The following NLRP2B variants were observed in gnomAD, a reference collection of about 807,000 sequenced individuals.
The protein encoded by NLRP2B is NLR family pyrin domain-containing protein 2B.
For synonymous variants in NLRP2B, 16 were observed against 3.5 expected (o/e 4.63, Z -4.03); for missense variants, 25 against 6.8 (o/e 3.70, Z -3.00).
rs1010129190 is a variant in NLRP2B at position 57,679,183 on chromosome X, C to A, written c.*940G>T. ...AGGAAATATGCCCTCCTGTCCTTCTCCAGGAACTCCTCCACCCTTACATAG... is the reference window on the plus strand; with the variant it reads ...AGGAAATATGCCCTCCTGTCCTTCTACAGGAACTCCTCCACCCTTACATAG... On this transcript the variant is annotated 3_prime_UTR_variant, in exon 1 of 1. Coordinates refer to ENST00000434992, the MANE Select transcript of NLRP2B (RefSeq NM_001319967.1). The A allele has an allele frequency of 2.8e-5, 13 of 466,917 alleles. No individual in the cohort carries two copies. Among genetic ancestry groups the A allele is most frequent in the Non-Finnish European group, 4.8e-5 (12 of 251,782 alleles). The allele number at this position is 466,917 out of a possible 1,213,427, so 38.5% of individuals were successfully genotyped here.
Position 57,678,335 on chromosome X carries a change from A to G in NLRP2B, c.*1788T>C, listed in dbSNP as rs1569419878. On this transcript the variant is annotated 3_prime_UTR_variant, in exon 1 of 1. Coordinates refer to ENST00000434992, the MANE Select transcript of NLRP2B (RefSeq NM_001319967.1). Reference sequence around the variant, plus strand: ...TGCAAGTTTCGACAATGCTTGAGGCAGATTGAAAACAGCATAATGTCTACT... The same window carrying G: ...TGCAAGTTTCGACAATGCTTGAGGCGGATTGAAAACAGCATAATGTCTACT... The G allele has an allele frequency of 3.7e-6, 2 of 538,573 alleles. No homozygotes were observed. The highest frequency in any genetic ancestry group is 3.4e-5 in the East Asian group (1 of 29,544). The allele number at this position is 538,573 out of a possible 1,213,427, so 44.4% of individuals were successfully genotyped here.
At position 57,679,768 on chromosome X, in the gene NLRP2B, G is replaced by C; in HGVS notation, c.*355C>G. ...GGTTTTCCACATTTGCCAGAACTTC[G>C]TCTTCAATATACTCCTGTACCTATC... On this transcript the variant is annotated 3_prime_UTR_variant, in exon 1 of 1. Transcript: ENST00000434992. The C allele has an allele frequency of 2.7e-6, 1 of 367,604 alleles. No homozygotes were observed. The highest frequency in any genetic ancestry group is 6.6e-5 in the South Asian group (1 of 15,046). 30.3% of individuals were successfully genotyped at this position (367,604 alleles called of 1,213,427 possible).
Position 57,678,334 on chromosome X carries a change from C to T in NLRP2B, c.*1789G>A. 1 of 538,214 alleles carries T rather than the reference C, an allele frequency of 1.9e-6. No individual in the cohort carries two copies. Among genetic ancestry groups the T allele is most frequent in the Non-Finnish European group, 3.4e-6 (1 of 291,216 alleles). The allele number at this position is 538,214 out of a possible 1,213,427, so 44.4% of individuals were successfully genotyped here. On this transcript the variant is annotated 3_prime_UTR_variant, in exon 1 of 1. Coordinates refer to ENST00000434992, the MANE Select transcript of NLRP2B (RefSeq NM_001319967.1). ...CTGCAAGTTTCGACAATGCTTGAGGCAGATTGAAAACAGCATAATGTCTAC... is the reference window on the plus strand; with the variant it reads ...CTGCAAGTTTCGACAATGCTTGAGGTAGATTGAAAACAGCATAATGTCTAC...
Position 57,679,774 on chromosome X carries a change from A to G in NLRP2B, c.*349T>C. On this transcript the variant is annotated 3_prime_UTR_variant, in exon 1 of 1. Coordinates refer to ENST00000434992, the MANE Select transcript of NLRP2B (RefSeq NM_001319967.1). ...CCACATTTGCCAGAACTTCGTCTTC[A>G]ATATACTCCTGTACCTATCCTCTTT... 1 of 363,494 alleles carries G rather than the reference A, an allele frequency of 2.8e-6. No homozygotes were observed. 30.0% of individuals were successfully genotyped at this position (363,494 alleles called of 1,213,427 possible).
In NLRP2B at chrX:57,679,499, A is replaced by G. The variant is rs1017303331; in HGVS notation, c.*624T>C. On this transcript the variant is annotated 3_prime_UTR_variant, in exon 1 of 1. Coordinates refer to ENST00000434992, the MANE Select transcript of NLRP2B (RefSeq NM_001319967.1). ...CTGAAGACCAGCTCTGCAAAACTGC[A>G]CGGGCCCAGGCAGATGAGCTCCTTG... The G allele has an allele frequency of 5.9e-6, 5 of 853,218 alleles. No homozygotes were observed. The highest frequency in any genetic ancestry group is 6.9e-6 in the Non-Finnish European group (4 of 575,589). 70.3% of individuals were successfully genotyped at this position (853,218 alleles called of 1,213,427 possible).
chrX:57,678,688 T>A lies in NLRP2B; in HGVS notation c.*1435A>T. The A allele has an allele frequency of 2.4e-6, 1 of 411,218 alleles. No individual in the cohort carries two copies. The highest frequency in any genetic ancestry group is 4.5e-6 in the Non-Finnish European group (1 of 222,805). The allele number at this position is 411,218 out of a possible 1,213,427, so 33.9% of individuals were successfully genotyped here. On this transcript the variant is annotated 3_prime_UTR_variant, in exon 1 of 1. Coordinates refer to ENST00000434992, the MANE Select transcript of NLRP2B (RefSeq NM_001319967.1). The stretch of plus-strand genomic sequence containing the variant: ...GTCTCCATTGTCCCAGGCGTGGCCG[T>A]CCTTGTCCTCCTCCTCCTCCTCCTC...
At position 57,677,867 on chromosome X, in the gene NLRP2B, G is replaced by T. The variant is rs778596487; in HGVS notation, c.*2256C>A. 2.4e-6 allele frequency: 1 copy of T among 425,342 alleles called. No homozygotes were observed. The highest frequency in any genetic ancestry group is 2.8e-5 in the Admixed American group (1 of 35,415). 35.1% of individuals were successfully genotyped at this position (425,342 alleles called of 1,213,427 possible). On this transcript the variant is annotated 3_prime_UTR_variant, in exon 1 of 1. Transcript: ENST00000434992. ...AGGGCCAAGGAGAGATCAGCCCATTGCTAAGTGGTGGTGGAAAAAGACACC... is the reference window on the plus strand; with the variant it reads ...AGGGCCAAGGAGAGATCAGCCCATTTCTAAGTGGTGGTGGAAAAAGACACC...
Position 57,678,541 on chromosome X carries a change from C to T in NLRP2B, c.*1582G>A. The T allele has an allele frequency of 2.0e-6, 1 of 509,975 alleles. No homozygotes were observed. 42.0% of individuals were successfully genotyped at this position (509,975 alleles called of 1,213,427 possible). A position where few individuals can be genotyped will look rare whatever the true frequency, so the allele number is the denominator to read the frequency against. On this transcript the variant is annotated 3_prime_UTR_variant, in exon 1 of 1. Transcript: ENST00000434992. ...CTTTTTGATCTCCGGTGACATCAGGCAGCCCAAAGTGGTCTCCAACTCCTT... is the reference window on the plus strand; with the variant it reads ...CTTTTTGATCTCCGGTGACATCAGGTAGCCCAAAGTGGTCTCCAACTCCTT...
Position 57,677,963 on chromosome X carries a change from G to C in NLRP2B, c.*2160C>G. 1.0e-5 allele frequency: 5 copies of C among 477,428 alleles called. No homozygotes were observed. The highest frequency in any genetic ancestry group is 8.8e-5 in the South Asian group (3 of 34,072). 39.3% of individuals were successfully genotyped at this position (477,428 alleles called of 1,213,427 possible). Reference sequence around the variant, plus strand: ...CACAATGCAGGAAGCATATCATTCTGGTCATTGCCTTGAAGGGTCAGATAT... The same window carrying C: ...CACAATGCAGGAAGCATATCATTCTCGTCATTGCCTTGAAGGGTCAGATAT... On this transcript the variant is annotated 3_prime_UTR_variant, in exon 1 of 1. Coordinates refer to ENST00000434992, the MANE Select transcript of NLRP2B (RefSeq NM_001319967.1).
chrX:57,677,556 G>T lies in NLRP2B; in HGVS notation c.*2567C>A. 1 of 309,431 alleles carries T rather than the reference G, an allele frequency of 3.2e-6. No individual in the cohort carries two copies. The highest frequency in any genetic ancestry group is 6.2e-6 in the Non-Finnish European group (1 of 161,728). The allele number at this position is 309,431 out of a possible 1,213,427, so 25.5% of individuals were successfully genotyped here. A position where few individuals can be genotyped will look rare whatever the true frequency, so the allele number is the denominator to read the frequency against. ...TTATGTCGCAGTCCCACAGCACCAG[G>T]GTCTGTAGTTTACAATGGGGGTAAC... On this transcript the variant is annotated 3_prime_UTR_variant, in exon 1 of 1. Coordinates refer to ENST00000434992, the MANE Select transcript of NLRP2B (RefSeq NM_001319967.1).
Position 57,679,484 on chromosome X carries a change from G to C in NLRP2B, c.*639C>G, listed in dbSNP as rs945893446. On this transcript the variant is annotated 3_prime_UTR_variant, in exon 1 of 1. Coordinates refer to ENST00000434992, the MANE Select transcript of NLRP2B (RefSeq NM_001319967.1). Reference sequence around the variant, plus strand: ...AATTCAGGCCAGTTCCTGAAGACCAGCTCTGCAAAACTGCACGGGCCCAGG... The same window carrying C: ...AATTCAGGCCAGTTCCTGAAGACCACCTCTGCAAAACTGCACGGGCCCAGG... 3.2e-5 allele frequency: 31 copies of C among 957,072 alleles called. No homozygotes were observed. The highest frequency in any genetic ancestry group is 4.5e-5 in the Non-Finnish European group (30 of 668,445). 78.9% of individuals were successfully genotyped at this position (957,072 alleles called of 1,213,427 possible).
Position 57,678,930 on chromosome X carries a change from C to T in NLRP2B, c.*1193G>A, listed in dbSNP as rs944487785. ...CCTGTGCCGCCAGGAGGCTCAGCGCCCGCAGCACGCCCCAGAGCTGTGCGC... is the reference window on the plus strand; with the variant it reads ...CCTGTGCCGCCAGGAGGCTCAGCGCTCGCAGCACGCCCCAGAGCTGTGCGC... On this transcript the variant is annotated 3_prime_UTR_variant, in exon 1 of 1. Transcript: ENST00000434992. The T allele has an allele frequency of 1.2e-5, 5 of 419,006 alleles. No individual in the cohort carries two copies. In the African/African-American group the frequency reaches 1.3e-4, roughly 11 times the overall value. The allele number at this position is 419,006 out of a possible 1,213,427, so 34.5% of individuals were successfully genotyped here. A position where few individuals can be genotyped will look rare whatever the true frequency, so the allele number is the denominator to read the frequency against.
In NLRP2B at chrX:57,679,966, A is replaced by T. The variant is rs1009551604; in HGVS notation, c.*157T>A. The T allele has an allele frequency of 2.0e-5, 6 of 305,015 alleles. No individual in the cohort carries two copies. The highest frequency in any genetic ancestry group is 1.2e-4 in the Admixed American group (2 of 16,887). 25.1% of individuals were successfully genotyped at this position (305,015 alleles called of 1,213,427 possible). ...TGTTTTCCCTAATGATACAGGCTTG[A>T]TTTCAAAGTGTCTTCTCTGAGTTCA... On this transcript the variant is annotated 3_prime_UTR_variant, in exon 1 of 1. Transcript: ENST00000434992.
chrX:57,679,326 C>G lies in NLRP2B; in HGVS notation c.*797G>C, dbSNP rs995225120. 3.6e-6 allele frequency: 2 copies of G among 553,569 alleles called. No homozygotes were observed. The highest frequency in any genetic ancestry group is 2.3e-5 in the African/African-American group (1 of 43,864). 45.6% of individuals were successfully genotyped at this position (553,569 alleles called of 1,213,427 possible). A position where few individuals can be genotyped will look rare whatever the true frequency, so the allele number is the denominator to read the frequency against. ...GTAACCTCCCCAAGAAGACCGGCACCGGCTTCTGCTTCTCCCAGTCCCCAC... is the reference window on the plus strand; with the variant it reads ...GTAACCTCCCCAAGAAGACCGGCACGGGCTTCTGCTTCTCCCAGTCCCCAC... On this transcript the variant is annotated 3_prime_UTR_variant, in exon 1 of 1. Coordinates refer to ENST00000434992, the MANE Select transcript of NLRP2B (RefSeq NM_001319967.1).
chrX:57,679,789 C>A lies in NLRP2B; in HGVS notation c.*334G>T, dbSNP rs2011754521. ...CTTCGTCTTCAATATACTCCTGTAC[C>A]TATCCTCTTTACCTGGCTTTTCTCC... On this transcript the variant is annotated 3_prime_UTR_variant, in exon 1 of 1. Transcript: ENST00000434992. The A allele has an allele frequency of 6.3e-6, 2 of 315,433 alleles. No homozygotes were observed. Among genetic ancestry groups the A allele is most frequent in the Non-Finnish European group, 1.1e-5 (2 of 180,381 alleles). The allele number at this position is 315,433 out of a possible 1,213,427, so 26.0% of individuals were successfully genotyped here. A position where few individuals can be genotyped will look rare whatever the true frequency, so the allele number is the denominator to read the frequency against.
In NLRP2B at chrX:57,678,815, C is replaced by A; in HGVS notation, c.*1308G>T. On this transcript the variant is annotated 3_prime_UTR_variant, in exon 1 of 1. Coordinates refer to ENST00000434992, the MANE Select transcript of NLRP2B (RefSeq NM_001319967.1). Reference sequence around the variant, plus strand: ...GAGACTATGTCCTGGCGGAGGATGTCTCTGTCCAGGGACGGGCGGATGTTG... The same window carrying A: ...GAGACTATGTCCTGGCGGAGGATGTATCTGTCCAGGGACGGGCGGATGTTG... 2.6e-6 allele frequency: 1 copy of A among 379,697 alleles called. No individual in the cohort carries two copies. The highest frequency in any genetic ancestry group is 2.5e-5 in the African/African-American group (1 of 39,242). 31.3% of individuals were successfully genotyped at this position (379,697 alleles called of 1,213,427 possible). A position where few individuals can be genotyped will look rare whatever the true frequency, so the allele number is the denominator to read the frequency against.
chrX:57,677,613 A>G lies in NLRP2B; in HGVS notation c.*2510T>C, dbSNP rs2011717738. On this transcript the variant is annotated 3_prime_UTR_variant, in exon 1 of 1. Coordinates refer to ENST00000434992, the MANE Select transcript of NLRP2B (RefSeq NM_001319967.1). ...CCTTACACAGAAACATCACCCATGT[A>G]TCCCCGAGTGGGGGGTTCTTGGCCA... is the stretch of plus-strand genomic sequence containing the variant. 26 of 304,510 alleles carry G rather than the reference A, an allele frequency of 8.5e-5. No individual in the cohort carries two copies. In the South Asian group the frequency reaches 9.3e-4, roughly 11 times the overall value. 25.1% of individuals were successfully genotyped at this position (304,510 alleles called of 1,213,427 possible).
In NLRP2B at chrX:57,679,099, C is replaced by T; in HGVS notation, c.*1024G>A. 4 of 446,993 alleles carry T rather than the reference C, an allele frequency of 8.9e-6. No homozygotes were observed. Among genetic ancestry groups the T allele is most frequent in the Admixed American group, 2.7e-5 (1 of 36,885 alleles). The allele number at this position is 446,993 out of a possible 1,213,427, so 36.8% of individuals were successfully genotyped here. A position where few individuals can be genotyped will look rare whatever the true frequency, so the allele number is the denominator to read the frequency against. On this transcript the variant is annotated 3_prime_UTR_variant, in exon 1 of 1. Coordinates refer to ENST00000434992, the MANE Select transcript of NLRP2B (RefSeq NM_001319967.1). ...GCCGAGACAGGCTGGAACAGGGCCG[C>T]GTTTCTTCTCATCAGCTCAAAGGCA...
rs902697106 is a variant in NLRP2B, at chrX:57,679,400, C to T, written c.*723G>A. ...GGTGGGGCTCCCAGCTCATCAAAGC[C>T]GTCGACCACGAACAGGATTTTCTGT... is the stretch of plus-strand genomic sequence containing the variant. On this transcript the variant is annotated 3_prime_UTR_variant, in exon 1 of 1. Coordinates refer to ENST00000434992, the MANE Select transcript of NLRP2B (RefSeq NM_001319967.1). 14 of 873,754 alleles carry T rather than the reference C, an allele frequency of 1.6e-5. No individual in the cohort carries two copies. Among genetic ancestry groups the T allele is most frequent in the African/African-American group, 9.9e-5 (5 of 50,569 alleles). The allele number at this position is 873,754 out of a possible 1,213,427, so 72.0% of individuals were successfully genotyped here.
Sources: gnomAD v4.1 joint callset for allele counts on GRCh38, gnomAD v4.1.1 for gene constraint, MANE v1.5 for transcripts, NCBI Gene and HGNC (gene_info 2026-07-23, HGNC 2026-07-21) for gene names.